The following SHANK2 variants were observed in gnomAD, a reference collection of about 807,000 sequenced individuals.
The protein encoded by SHANK2 is SH3 and multiple ankyrin repeat domains 2, also known as SH3 and multiple ankyrin repeat domains protein 2.
SHANK2 carries 43 observed loss-of-function variants against 133.7 expected under a neutral mutation model. That is an observed-to-expected ratio of 0.32 (90% confidence interval 0.25 to 0.41). The LOEUF (loss-of-function observed/expected upper bound fraction) is 0.41, where lower values mean the gene tolerates loss of function less well. Ranked by LOEUF, SHANK2 falls within the 10% of genes least tolerant of loss-of-function variation. The pLI, the probability that SHANK2 is intolerant of heterozygous loss-of-function variation, is 1.00. For synonymous variants in SHANK2, 1,017 were observed against 952.8 expected, an observed-to-expected ratio of 1.07 and a Z score of -1.24; for missense variants, 1,994 against 2,235.8, an observed-to-expected ratio of 0.89 and a Z score of 2.18.
chr11:70,834,142 G>A (rs1336009947), intron 11 of SHANK2, among the ~76,000 whole-genome samples: 4 of 152,254 alleles, frequency 2.6e-5, no homozygotes, highest in South Asian at 2.1e-4. Context: ...CTGATATCCC[G>A]GAGATTTATT....
chr11:70,690,484 C>T (rs2134438226), intron 15 of SHANK2, among the ~76,000 whole-genome samples: 1 of 121,586 alleles, frequency 8.2e-6, no homozygotes, highest in South Asian at 2.8e-4. Flanking sequence ...GTAATACTTC[C>T]CATGTTTTTT....
chr11:71,134,153 G>C (rs1371504716), intron 3 of SHANK2, among the ~76,000 whole-genome samples: 2 of 151,842 alleles, frequency 1.3e-5, no homozygotes. Flanking sequence ...AGGTGGGAGG[G>C]GAGGGGCTCA....
chr11:71,237,251 T>A (rs1004775784), intron 1 of SHANK2, among the ~76,000 whole-genome samples: 1 of 152,160 alleles, frequency 6.6e-6, no homozygotes. Context: ...CCGGCTGTAG[T>A]GGGCAACTTG....
At chr11:70,909,902 C>A (rs1456452380) in intron 10 of SHANK2, among the ~76,000 whole-genome samples, 6 of 152,210 alleles carry the variant, frequency 3.9e-5, no homozygotes, top group African/African-American at 1.4e-4. Context: ...GCACCACAGA[C>A]CGGGCTGCTT....
At chr11:71,245,252 T>C (rs1465544195) in intron 1 of SHANK2, among the ~76,000 whole-genome samples, 1 of 152,188 alleles carries the variant, frequency 6.6e-6, no homozygotes, top group Non-Finnish European at 1.5e-5. Context: ...AGTGCTGGGA[T>C]TACAGGCCTG....
At chr11:70,832,840 G>A (rs1321064647) in intron 11 of SHANK2, among the ~76,000 whole-genome samples, 1 of 152,156 alleles carries the variant, frequency 6.6e-6, no homozygotes, top group Admixed American at 6.5e-5. Context: ...GCCCCGCCTT[G>A]CCCCACGAGC....
At chr11:70,636,241 G>A (rs1173267315) in intron 17 of SHANK2, among the ~76,000 whole-genome samples, 1 of 152,242 alleles carries the variant, frequency 6.6e-6, no homozygotes, top group Non-Finnish European at 1.5e-5. Context: ...GTGAGTCTGA[G>A]TGTATGAGCA....
chr11:70,868,572 A>G (rs1555069557), intron 11 of SHANK2, among the ~76,000 whole-genome samples: 2 of 152,194 alleles, frequency 1.3e-5, no homozygotes, highest in Admixed American at 6.5e-5. Flanking sequence ...GTCAAGACAC[A>G]AGCCAAGAAG....
chr11:71,077,915 T>C (rs1168005307), intron 8 of SHANK2, among the ~76,000 whole-genome samples: 9 of 152,180 alleles, frequency 5.9e-5, no homozygotes, highest in African/African-American at 2.2e-4. Flanking sequence ...AAACTCACGG[T>C]TCCTAATATA....
chr11:70,873,816 C>T (rs775382525), intron 11 of SHANK2, among the ~76,000 whole-genome samples: 1 of 151,638 alleles, frequency 6.6e-6, no homozygotes, highest in Admixed American at 6.6e-5. Flanking sequence ...GAATACCAAA[C>T]AGTGATGCCA....
intron 8 of SHANK2, among the ~76,000 whole-genome samples, chr11:71,084,195 T>C (rs1951346000): frequency 6.6e-6 from 1 of 152,220 alleles, no homozygotes; most frequent in South Asian, 2.1e-4. Context: ...ATGGTCTCGA[T>C]CTCCTGACCT....
intron 15 of SHANK2, among the ~76,000 whole-genome samples, chr11:70,663,612 C>T (rs1944619838): frequency 6.6e-6 from 1 of 152,180 alleles, no homozygotes; most frequent in South Asian, 2.1e-4. Flanking sequence ...CAGGACAATC[C>T]AGGTGACTGG....
At chr11:70,637,484 A>G (rs1378055983) in intron 17 of SHANK2, among the ~76,000 whole-genome samples, 1 of 152,092 alleles carries the variant, frequency 6.6e-6, no homozygotes, top group Non-Finnish European at 1.5e-5. Context: ...GCGGTGCAGA[A>G]TCCAGGTGCC....
intron 11 of SHANK2, among the ~76,000 whole-genome samples, chr11:70,844,053 G>A (rs1948957082): frequency 6.6e-6 from 1 of 152,106 alleles, no homozygotes; most frequent in Non-Finnish European, 1.5e-5. Context: ...TGTCCCATCT[G>A]AGTCCCCAAG....
At chr11:71,126,628 C>T (rs1380340033) in intron 3 of SHANK2, among the ~76,000 whole-genome samples, 3 of 152,044 alleles carry the variant, frequency 2.0e-5, no homozygotes, top group African/African-American at 7.3e-5. Flanking sequence ...AAGAATTTAG[C>T]ATTCCAGATG....
chr11:70,577,025 C>A (rs2060124233), intron 17 of SHANK2, among the ~76,000 whole-genome samples: 2 of 152,142 alleles, frequency 1.3e-5, no homozygotes, highest in Admixed American at 6.5e-5. Context: ...CCGTCCTGCA[C>A]CTGCCACGGA....
At chr11:70,947,482 A>T (rs1475150998) in intron 10 of SHANK2, among the ~76,000 whole-genome samples, 1 of 151,558 alleles carries the variant, frequency 6.6e-6, no homozygotes, top group Non-Finnish European at 1.5e-5. Flanking sequence ...CCTCCCGAGC[A>T]GCTGGAATTA....
intron 1 of SHANK2, among the ~76,000 whole-genome samples, chr11:71,250,985 A>C (rs1555125759): frequency 2.0e-5 from 3 of 152,104 alleles, no homozygotes. Context: ...TCCAATTTAC[A>C]ACCTCGAATT....
intron 14 of SHANK2, among the ~76,000 whole-genome samples, chr11:70,724,328 G>A (rs1213593653): frequency 6.6e-6 from 1 of 152,162 alleles, no homozygotes; most frequent in Non-Finnish European, 1.5e-5. Flanking sequence ...GAGCCACCGT[G>A]CCTGGCTCAA....
Sources: gnomAD v4.1 joint callset for allele counts (sites outside exome capture counted in the v4.1 genomes callset) on GRCh38, gnomAD v4.1.1 for gene constraint, MANE v1.5 for transcripts, NCBI Gene and HGNC (gene_info 2026-07-23, HGNC 2026-07-21) for gene names.